The following ERAP2 variants were observed in gnomAD, a reference collection of about 807,000 sequenced individuals.
The protein encoded by ERAP2 is endoplasmic reticulum aminopeptidase 2, also known as leukocyte-derived arginine aminopeptidase.
ERAP2 carries 118 observed loss-of-function variants against 111.1 expected under a neutral mutation model. That is an observed-to-expected ratio of 1.06 (90% CI 0.92 to 1.24). The LOEUF (loss-of-function observed/expected upper bound fraction) is 1.24, where lower values mean the gene tolerates loss of function less well. Ranked by LOEUF, ERAP2 falls within the 50% of genes most tolerant of loss-of-function variation. ERAP2 has a pLI of 0.00. For synonymous variants in ERAP2, 410 were observed against 401.2 expected (o/e 1.02, Z -0.26); for missense variants, 1,131 against 1,125.8 (o/e 1.00, Z -0.07).
intron 5 of ERAP2, among the ~76,000 whole-genome samples, chr5:96,891,892 T>C (rs186008127): frequency 1.6e-4 from 24 of 152,316 alleles, no homozygotes; most frequent in Admixed American, 1.5e-3. Flanking sequence ...AAGTTCATTA[T>C]ACGTTTTGAT....
intron 12 of ERAP2, chr5:96,902,826 TGA>T (rs1036680089): frequency 6.4e-6 from 1 of 155,342 alleles, no homozygotes; most frequent in African/African-American, 2.4e-5. Context: ...ACAGAGTTGT[TGA>T]GAGAATATTA....
intron 3 of ERAP2, among the ~76,000 whole-genome samples, chr5:96,884,899 G>A (rs1463538119): frequency 1.3e-5 from 2 of 152,198 alleles, no homozygotes; most frequent in Non-Finnish European, 2.9e-5. Flanking sequence ...TGCCATGCAA[G>A]TAAACTTCTG....
intron 5 of ERAP2, among the ~76,000 whole-genome samples, chr5:96,890,786 G>T: frequency 6.6e-6 from 1 of 152,042 alleles, no homozygotes; most frequent in East Asian, 1.9e-4. Flanking sequence ...TTATTGTGCA[G>T]GTTCTATATA....
intron 9 of ERAP2, 97 bp downstream of exon 9, chr5:96,896,960 C>CAATATAAGT: frequency 4.0e-6 from 4 of 1,010,158 alleles, no homozygotes; most frequent in Non-Finnish European, 5.4e-6. Context: ...TGTCAGTCAA[C>CAATATAAGT]CATATTTATT....
rs202100428 is a variant in ERAP2 at position 96,891,497 on chromosome 5, G to GTATA, written c.971-801_971-800insATAT. On this transcript the variant is annotated intron_variant, in intron 5 of 18. Transcript: ENST00000437043. ...TATATATATATATGTGTGTGTGTGT[G>GTATA]TGTATATATATATATATATGCCCAT... 2.2e-4 allele frequency among the ~76,000 whole-genome samples: 19 copies of GTATA among 85,424 alleles called. No homozygotes were observed. In the South Asian group the frequency reaches 4.1e-3, roughly 18 times the overall value. 56.0% of individuals were successfully genotyped at this position (85,424 alleles called of 152,430 possible). A position where few individuals can be genotyped will look rare whatever the true frequency, so the allele number is the denominator to read the frequency against.
intron 5 of ERAP2, chr5:96,889,627 T>C (rs1784120384): frequency 9.4e-6 from 6 of 640,034 alleles, no homozygotes; most frequent in Non-Finnish European, 1.7e-5. Flanking sequence ...AGGAAAGAGA[T>C]GGGGAGAAAA....
At chr5:96,897,544 C>CTT (rs5869736) in intron 9 of ERAP2, among the ~76,000 whole-genome samples, 1 of 151,796 alleles carries the variant, frequency 6.6e-6, no homozygotes, top group African/African-American at 2.4e-5. Context: ...TGTGTCTATT[C>CTT]TTTTTTTAAT....
chr5:96,913,380 T>C lies in ERAP2; in HGVS notation c.2580T>C (p.His860=), dbSNP rs140092824. ...CACAGAACTTGGCAGCTCTCCTTCA[T>C]GCGATTGCCAGACGTCCAAAGGGGC... ...IKTQNLAALL[H]AIARRPKGQQ... The change falls in exon 17 of 19, where the codon CAT becomes CAC. Residue 860 remains histidine (H), a synonymous_variant. Coordinates refer to ENST00000437043, the MANE Select transcript of ERAP2 (RefSeq NM_022350.5). 183 of 1,614,128 alleles carry C rather than the reference T, an allele frequency of 1.1e-4. No homozygotes were observed. In the African/African-American group the frequency reaches 2.0e-3, roughly 18 times the overall value.
At chr5:96,893,035 C>T (rs550765976) in intron 6 of ERAP2, among the ~76,000 whole-genome samples, 12 of 152,130 alleles carry the variant, frequency 7.9e-5, no homozygotes, top group East Asian at 5.8e-4. Context: ...GTGTGCGGAT[C>T]ACATAGTAAG....
Position 96,903,503 on chromosome 5 carries a change from C to G in ERAP2, c.1955C>G (p.Thr652Arg). ...ATTACACAGCTGAATCAGAACCACA[C>G]ACTTCTCAGACCTAAGGACAGAGTA... ...QLITQLNQNH[T>R]LLRPKDRVGL... is the part of the protein sequence containing the mutation. Residue 652 changes from threonine (T) to arginine (R), a missense_variant, in exon 13 of 19, where the codon ACA becomes AGA. Around this residue, in one of 3 missense-constraint regions of ERAP2, gnomAD observed 847 missense variants for 856.5 expected, o/e 0.99. Coordinates refer to ENST00000437043, the MANE Select transcript of ERAP2 (RefSeq NM_022350.5). 2 of 1,614,020 alleles carry G rather than the reference C, an allele frequency of 1.2e-6. No homozygotes were observed. Among genetic ancestry groups the G allele is most frequent in the Non-Finnish European group, 8.5e-7 (1 of 1,179,930 alleles).
In ERAP2 at chr5:96,891,499, GTATATATATA is replaced by G. The variant is rs373623665; in HGVS notation, c.971-792_971-783del. Among the ~76,000 whole-genome samples the G allele has an allele frequency of 6.4e-5, 9 of 140,012 alleles. 1 individual carries two copies. The highest frequency in any genetic ancestry group is 1.1e-4 in the Non-Finnish European group (7 of 65,510). 91.9% of individuals were successfully genotyped at this position (140,012 alleles called of 152,430 possible). A position where few individuals can be genotyped will look rare whatever the true frequency, so the allele number is the denominator to read the frequency against. Reference sequence around the variant, plus strand: ...TATATATATATGTGTGTGTGTGTGTGTATATATATATATATATGCCCATATACGGTATATA... The same window carrying G: ...TATATATATATGTGTGTGTGTGTGTGTATATATGCCCATATACGGTATATA... On this transcript the variant is annotated intron_variant, in intron 5 of 18. Coordinates refer to ENST00000437043, the MANE Select transcript of ERAP2 (RefSeq NM_022350.5).
At chr5:96,891,508 T>C (rs1165753220) in intron 5 of ERAP2, among the ~76,000 whole-genome samples, 2 of 31,818 alleles carry the variant, frequency 6.3e-5, no homozygotes, top group African/African-American at 2.4e-4. Context: ...TGTATATATA[T>C]ATATATATGC....
In ERAP2 at chr5:96,889,305, G is replaced by C. The variant is rs780686807; in HGVS notation, c.970G>C (p.Asp324His). 1.2e-6 allele frequency: 2 copies of C among 1,613,786 alleles called. No homozygotes were observed. The highest frequency in any genetic ancestry group is 2.2e-5 in the South Asian group (2 of 91,082). ...TATCTACTATCCACTCTCCAAACTG[G>C]GTATGTTCAAATTCCACATTATTGT... ...FDIYYPLSKL[D>H]LIAIPDFAPG... The change falls in exon 5 of 19, where the codon GAT becomes CAT. Residue 324 changes from aspartate to histidine, a missense_variant and splice_region_variant. Asp to His is a moderately conservative substitution (Grantham distance 81). This residue lies in a region of ERAP2 where 847 missense variants were observed against 856.5 expected (regional missense o/e 0.99). Transcript: ENST00000437043.
chr5:96,893,119 C>T (rs534172134), intron 6 of ERAP2, among the ~76,000 whole-genome samples: 1 of 152,212 alleles, frequency 6.6e-6, no homozygotes, highest in East Asian at 1.9e-4. Context: ...CTATTTCTTG[C>T]AAAATAACTT....
At chr5:96,902,442 T>C in intron 12 of ERAP2, 89 bp downstream of exon 12, 5 of 759,740 alleles carry the variant, frequency 6.6e-6, no homozygotes, top group Non-Finnish European at 1.1e-5. Context: ...TAAGTAAATC[T>C]AACAATAAAA....
intron 9 of ERAP2, 149 bp downstream of exon 9, chr5:96,897,012 C>T (rs752373705): frequency 1.2e-5 from 3 of 243,778 alleles, no homozygotes; most frequent in Non-Finnish European, 1.7e-5. Context: ...GCAGCACTTC[C>T]CTTTTTCCTC....
chr5:96,881,086 C>T (rs933207103), intron 2 of ERAP2: 6 of 229,304 alleles, frequency 2.6e-5, no homozygotes, highest in African/African-American at 6.9e-5. Context: ...CTGAGGAGAG[C>T]GAACAAGAGG....
intron 6 of ERAP2, 134 bp downstream of exon 6, chr5:96,892,587 A>C: frequency 1.0e-6 from 1 of 981,590 alleles, no homozygotes; most frequent in Non-Finnish European, 1.5e-6. Context: ...TAAACCTAAC[A>C]CAACGTCAAG....
At position 96,910,396 on chromosome 5, in the gene ERAP2, T is replaced by G. The variant is rs147718840; in HGVS notation, c.2354+632T>G. Reference sequence around the variant, plus strand: ...CTTCTTTTTAAAAAAGTAATTCAAGTTTTCTTCTTTTTGGACTTTTTTTCC... The same window carrying G: ...CTTCTTTTTAAAAAAGTAATTCAAGGTTTCTTCTTTTTGGACTTTTTTTCC... On this transcript the variant is annotated intron_variant, in intron 15 of 18. Transcript: ENST00000437043. 4.4e-4 allele frequency: 67 copies of G among 152,246 alleles called. 2 individuals are homozygous for G. In the East Asian group the frequency reaches 0.011, roughly 26 times the overall value. The allele number at this position is 152,246 out of a possible 1,614,324, so 9.4% of individuals were successfully genotyped here.
Sources: gnomAD v4.1 joint callset for allele counts (sites outside exome capture counted in the v4.1 genomes callset) on GRCh38, gnomAD v4.1.1 for gene constraint, gnomAD v4.1.1 regional missense constraint, MANE v1.5 for transcripts, NCBI Gene and HGNC (gene_info 2026-07-23, HGNC 2026-07-21) for gene names.